The following KCNK2 variants were observed in gnomAD, a reference collection of about 807,000 sequenced individuals.
KCNK2 encodes potassium channel subfamily K member 2.
KCNK2 carries 21 observed loss-of-function variants against 40.5 expected under a neutral mutation model. The ratio of observed to expected loss-of-function variants is 0.52; its 90% CI spans 0.37 to 0.75. KCNK2 has a LOEUF of 0.75. KCNK2 is among the 30% of genes least tolerant of loss of function. The pLI, the probability that KCNK2 is intolerant of heterozygous loss-of-function variation, is 0.00. For missense variants in KCNK2, 399 were observed against 531.6 expected (o/e 0.75, Z 2.45); for synonymous variants, 191 against 202.2 (o/e 0.94, Z 0.47).
chr1:215,161,601 C>T (rs1663198616), intron 3 of KCNK2, among the ~76,000 whole-genome samples: 1 of 151,764 alleles, frequency 6.6e-6, no homozygotes, highest in Admixed American at 6.6e-5. Context: ...CGACAGGCCC[C>T]AGTGTGTGAT....
At chr1:215,006,059 T>G (rs1377647088) in intron 1 of KCNK2, 2 of 959,102 alleles carry the variant, frequency 2.1e-6, no homozygotes, top group East Asian at 5.0e-5. Flanking sequence ...GTCTTCATTA[T>G]ATGAAAGTCT....
intron 1 of KCNK2, among the ~76,000 whole-genome samples, chr1:215,014,061 T>C (rs904886949): frequency 6.6e-6 from 1 of 152,126 alleles, no homozygotes; most frequent in Non-Finnish European, 1.5e-5. Flanking sequence ...ATAGATACTC[T>C]TTATCAGGTT....
intron 6 of KCNK2, among the ~76,000 whole-genome samples, chr1:215,230,533 G>GCCA (rs1558150327): frequency 4.8e-5 from 3 of 62,536 alleles, no homozygotes; most frequent in African/African-American, 1.2e-4. Flanking sequence ...ATATATATAT[G>GCCA]TATATATATA....
intron 1 of KCNK2, among the ~76,000 whole-genome samples, chr1:215,044,469 C>T (rs1657673084): frequency 6.6e-6 from 1 of 151,950 alleles, no homozygotes; most frequent in African/African-American, 2.4e-5. Flanking sequence ...CCTGGATTTG[C>T]ATGTTAGTTC....
At chr1:215,232,442 T>C (rs1046537116) in intron 6 of KCNK2, among the ~76,000 whole-genome samples, 11 of 152,160 alleles carry the variant, frequency 7.2e-5, no homozygotes, top group African/African-American at 2.7e-4. Flanking sequence ...AGAAAAACAA[T>C]TGATAGCATG....
chr1:215,083,438 C>A lies in KCNK2; in HGVS notation c.46+7C>A. 4 of 1,600,526 alleles carry A rather than the reference C, an allele frequency of 2.5e-6. No individual in the cohort carries two copies. Among genetic ancestry groups the A allele is most frequent in the Non-Finnish European group, 3.4e-6 (4 of 1,169,488 alleles). On this transcript the variant is annotated splice_region_variant and intron_variant, in intron 1 of 6. Transcript: ENST00000444842. ...CCCGGCTATAGAGCAGGAGGTGAGA[C>A]CCCCCCTCCGGTACCCCCACCCCTC...
intron 5 of KCNK2, among the ~76,000 whole-genome samples, chr1:215,188,852 G>A (rs947872322): frequency 7.9e-5 from 12 of 152,088 alleles, no homozygotes; most frequent in African/African-American, 2.9e-4. Context: ...AGGAGGGTTT[G>A]TGTGACTGCT....
chr1:215,066,651 T>G (rs915680718), intron 1 of KCNK2, among the ~76,000 whole-genome samples: 7 of 152,188 alleles, frequency 4.6e-5, no homozygotes, highest in Non-Finnish European at 7.3e-5. Flanking sequence ...GATTTTTTGC[T>G]TCCATGCAAT....
At chr1:215,036,517 A>G (rs562085345) in intron 1 of KCNK2, among the ~76,000 whole-genome samples, 14 of 151,564 alleles carry the variant, frequency 9.2e-5, no homozygotes, top group East Asian at 1.9e-4. Context: ...GCTATTCTAT[A>G]TATTTTGAAT....
chr1:215,010,406 C>A (rs1271028700), intron 1 of KCNK2, among the ~76,000 whole-genome samples: 1 of 152,140 alleles, frequency 6.6e-6, no homozygotes, highest in Non-Finnish European at 1.5e-5. Flanking sequence ...AAGAGGAAAT[C>A]GTAGAATAGA....
At chr1:215,178,649 G>T (rs534586066) in intron 5 of KCNK2, among the ~76,000 whole-genome samples, 1 of 152,116 alleles carries the variant, frequency 6.6e-6, no homozygotes, top group South Asian at 2.1e-4. Flanking sequence ...CATTTATGTG[G>T]GAATCACATT....
At chr1:215,072,943 A>G (rs951598220) in intron 1 of KCNK2, among the ~76,000 whole-genome samples, 1 of 152,212 alleles carries the variant, frequency 6.6e-6, no homozygotes, top group African/African-American at 2.4e-5. Context: ...ATGTGACCTT[A>G]TTATGAAATA....
At chr1:215,194,747 GA>G (rs1409440308) in intron 5 of KCNK2, among the ~76,000 whole-genome samples, 1 of 152,040 alleles carries the variant, frequency 6.6e-6, no homozygotes, top group African/African-American at 2.4e-5. Context: ...TTTTCATTAA[GA>G]AAAACAACTT....
At chr1:215,226,676 G>A (rs1269273949) in intron 6 of KCNK2, among the ~76,000 whole-genome samples, 1 of 152,116 alleles carries the variant, frequency 6.6e-6, no homozygotes, top group Non-Finnish European at 1.5e-5. Context: ...TAAAGCTCAG[G>A]TTCTGGAATA....
rs1558054293 is a variant in KCNK2 at position 215,007,201 on chromosome 1, A to ATGTG, written c.34+1247_34+1248insGTGT. Among the ~76,000 whole-genome samples, 63 of 54,434 alleles carry ATGTG rather than the reference A, an allele frequency of 1.2e-3. 4 individuals carry two copies. Among genetic ancestry groups the ATGTG allele is most frequent in the African/African-American group, 4.3e-3 (59 of 13,612 alleles). The allele number at this position is 54,434 out of a possible 152,430, so 35.7% of individuals were successfully genotyped here. A position where few individuals can be genotyped will look rare whatever the true frequency, so the allele number is the denominator to read the frequency against. ...TGTGTGTGGGTATATATATATATAT[A>ATGTG]TATATATATATATATATATATATAT... On this transcript the variant is annotated intron_variant, in intron 1 of 6. Transcript: ENST00000391895.
At chr1:215,226,320 TTTG>T (rs916519916) in intron 6 of KCNK2, among the ~76,000 whole-genome samples, 2 of 150,992 alleles carry the variant, frequency 1.3e-5, no homozygotes, top group African/African-American at 4.9e-5. Flanking sequence ...TTGTTTTTTA[TTTG>T]TTTTGTTTTG....
intron 5 of KCNK2, among the ~76,000 whole-genome samples, chr1:215,190,105 T>C (rs1664606196): frequency 6.6e-6 from 1 of 152,220 alleles, no homozygotes; most frequent in South Asian, 2.1e-4. Context: ...GATATATCTT[T>C]TTTCTTCCTT....
intron 6 of KCNK2, among the ~76,000 whole-genome samples, chr1:215,229,747 C>T (rs1234844853): frequency 6.6e-6 from 1 of 151,846 alleles, no homozygotes; most frequent in East Asian, 1.9e-4. Context: ...ATGAGTTGCC[C>T]AAGTGCACAC....
At chr1:215,101,242 G>A (rs1558091428) in intron 2 of KCNK2, among the ~76,000 whole-genome samples, 2 of 151,958 alleles carry the variant, frequency 1.3e-5, no homozygotes, top group Admixed American at 6.6e-5. Flanking sequence ...CTACTTGAAC[G>A]AGATAATTTC....
Sources: allele counts gnomAD v4.1 joint callset (sites outside exome capture counted in the v4.1 genomes callset), GRCh38; gene constraint gnomAD v4.1.1; transcripts MANE v1.5; gene names NCBI Gene and HGNC (gene_info 2026-07-23, HGNC 2026-07-21).